The following LRFN5 variants were observed in gnomAD, a reference collection of about 807,000 sequenced individuals.
The protein encoded by LRFN5 is leucine rich repeat and fibronectin type III domain containing 5.
A neutral mutation model predicts 45.6 loss-of-function variants in LRFN5; 24 were observed. That is an observed-to-expected ratio of 0.53 (90% confidence interval 0.38 to 0.74). The LOEUF (loss-of-function observed/expected upper bound fraction) is 0.74, where lower values mean the gene tolerates loss of function less well. LRFN5 is among the 30% of genes least tolerant of loss of function. The probability of loss-of-function intolerance (pLI) is 0.00; values close to 1 mark genes in which losing one functional copy is unlikely to be tolerated. For synonymous variants in LRFN5, 340 were observed against 313.8 expected (o/e 1.08, Z -0.88); for missense variants, 776 against 861.5 (o/e 0.90, Z 1.24).
chr14:41,729,403 C>T (rs1884074040), intron 1 of LRFN5, among the ~76,000 whole-genome samples: 1 of 152,018 alleles, frequency 6.6e-6, no homozygotes, highest in African/African-American at 2.4e-5. Context: ...AAGCAGATGC[C>T]AGCACCACAC....
chr14:41,852,239 G>A (rs1889293049), intron 2 of LRFN5, among the ~76,000 whole-genome samples: 1 of 151,828 alleles, frequency 6.6e-6, no homozygotes, highest in African/African-American at 2.4e-5. Context: ...ACTCTCAGAA[G>A]TTGGCAAATA....
At chr14:41,703,476 T>A (rs1187714686) in intron 1 of LRFN5, among the ~76,000 whole-genome samples, 1 of 152,146 alleles carries the variant, frequency 6.6e-6, no homozygotes. Context: ...TTTTCTCAGT[T>A]TTCCTTTTAA....
At chr14:41,719,687 A>T (rs1883632241) in intron 1 of LRFN5, among the ~76,000 whole-genome samples, 6 of 151,918 alleles carry the variant, frequency 3.9e-5, no homozygotes. Context: ...ATTTTGATAT[A>T]TACTTCAAAA....
At chr14:41,892,419 C>A in intron 4 of LRFN5, 2 of 984,420 alleles carry the variant, frequency 2.0e-6, no homozygotes, top group Non-Finnish European at 2.4e-6. Flanking sequence ...ATTCTAGGAC[C>A]AACTCCTAGG....
At chr14:41,656,756 G>C (rs932183920) in intron 1 of LRFN5, among the ~76,000 whole-genome samples, 1 of 151,878 alleles carries the variant, frequency 6.6e-6, no homozygotes, top group Non-Finnish European at 1.5e-5. Flanking sequence ...GAGGAAGAGC[G>C]TTGATCGCTT....
chr14:41,705,091 C>T (rs1251008822), intron 1 of LRFN5, among the ~76,000 whole-genome samples: 1 of 151,902 alleles, frequency 6.6e-6, no homozygotes, highest in Non-Finnish European at 1.5e-5. Context: ...CTAAAATGTA[C>T]CATTTTTCAA....
chr14:41,861,501 T>C (rs1190590268), intron 2 of LRFN5, among the ~76,000 whole-genome samples: 4 of 152,208 alleles, frequency 2.6e-5, no homozygotes, highest in Non-Finnish European at 4.4e-5. Flanking sequence ...ATCCCGGTTT[T>C]AAAAGCTTCA....
At chr14:41,722,504 T>C (rs767224263) in intron 1 of LRFN5, among the ~76,000 whole-genome samples, 1 of 152,092 alleles carries the variant, frequency 6.6e-6, no homozygotes, top group Non-Finnish European at 1.5e-5. Context: ...ATTTTTATAA[T>C]CATTTTCATA....
chr14:41,796,075 C>T (rs766589927), intron 2 of LRFN5, among the ~76,000 whole-genome samples: 1 of 151,642 alleles, frequency 6.6e-6, no homozygotes, highest in Non-Finnish European at 1.5e-5. Flanking sequence ...TCTAAAAATA[C>T]AAAATCAATA....
intron 1 of LRFN5, among the ~76,000 whole-genome samples, chr14:41,756,662 T>C (rs905006717): frequency 2.0e-5 from 3 of 152,060 alleles, no homozygotes; most frequent in African/African-American, 4.8e-5. Context: ...ATTCGTCTAA[T>C]TTTTTTTCAA....
chr14:41,701,944 C>T (rs1882856479), intron 1 of LRFN5, among the ~76,000 whole-genome samples: 1 of 152,082 alleles, frequency 6.6e-6, no homozygotes, highest in South Asian at 2.1e-4. Context: ...ACAAGCTCCC[C>T]ATCCTAAAGT....
chr14:41,612,314 A>G (rs1166718185), intron 1 of LRFN5, among the ~76,000 whole-genome samples: 1 of 152,180 alleles, frequency 6.6e-6, no homozygotes, highest in Non-Finnish European at 1.5e-5. Flanking sequence ...ATTATTGCCA[A>G]TTTTGAGGCT....
chr14:41,796,545 C>T (rs575443348), intron 2 of LRFN5, among the ~76,000 whole-genome samples: 100 of 151,906 alleles, frequency 6.6e-4, no homozygotes, highest in Non-Finnish European at 1.2e-3. Flanking sequence ...CAAATGAATA[C>T]TTTGCTGTAT....
At chr14:41,719,322 T>C (rs1021773187) in intron 1 of LRFN5, among the ~76,000 whole-genome samples, 2 of 152,146 alleles carry the variant, frequency 1.3e-5, no homozygotes, top group African/African-American at 2.4e-5. Context: ...AGTGGTTTAT[T>C]ATTTTTAGAC....
rs570241527 is a variant in LRFN5, at chr14:41,799,676, T to C, written c.-21+32647T>C. On this transcript the variant is annotated intron_variant, in intron 2 of 5. Coordinates refer to ENST00000298119, the MANE Select transcript of LRFN5 (RefSeq NM_152447.5). The stretch of plus-strand genomic sequence containing the variant: ...TGGTTTTCCTCATCACTGTGGATAA[T>C]TTTCTTTCTGAATTGATTTACTGTC... 2.6e-5 allele frequency among the ~76,000 whole-genome samples: 4 copies of C among 152,202 alleles called. No homozygotes were observed. The South Asian group carries it at 8.3e-4, about 32-fold the overall frequency.
intron 1 of LRFN5, among the ~76,000 whole-genome samples, chr14:41,674,503 G>C (rs1381268580): frequency 1.4e-5 from 2 of 144,950 alleles, no homozygotes; most frequent in African/African-American, 2.6e-5. Flanking sequence ...CCGGGCGGGG[G>C]GCTGACCCCT....
intron 1 of LRFN5, among the ~76,000 whole-genome samples, chr14:41,646,665 A>G (rs1879832485): frequency 6.6e-6 from 1 of 152,138 alleles, no homozygotes; most frequent in African/African-American, 2.4e-5. Flanking sequence ...ATTTTATGTT[A>G]GTATATCCTC....
At chr14:41,679,729 A>G (rs1291024914) in intron 1 of LRFN5, among the ~76,000 whole-genome samples, 2 of 152,020 alleles carry the variant, frequency 1.3e-5, no homozygotes, top group East Asian at 3.9e-4. Context: ...GAGAAAAAGG[A>G]AAGGACGAGT....
intron 2 of LRFN5, among the ~76,000 whole-genome samples, chr14:41,883,063 G>C (rs1890440799): frequency 6.6e-6 from 1 of 151,652 alleles, no homozygotes; most frequent in African/African-American, 2.4e-5. Context: ...TGGCCAGGAT[G>C]GTCTCGAACT....
Sources: gnomAD v4.1 joint callset for allele counts (sites outside exome capture counted in the v4.1 genomes callset) on GRCh38, gnomAD v4.1.1 for gene constraint, MANE v1.5 for transcripts, NCBI Gene and HGNC (gene_info 2026-07-23, HGNC 2026-07-21) for gene names.